Variants in TAF1 observed in about 807,000 individuals in gnomAD.
TAF1 encodes the protein TATA-box binding protein associated factor 1, also known as transcription initiation factor TFIID subunit 1.
Under a neutral mutation model 138.5 loss-of-function variants are expected in TAF1, and 2 were observed. That is an observed-to-expected ratio of 0.01 (90% CI 0.01 to 0.05). TAF1 has a LOEUF of 0.05. TAF1 is among the 10% of genes least tolerant of loss of function. The pLI is 1.00. For synonymous variants in TAF1, 437 were observed against 503.2 expected (o/e 0.87, Z 1.76); for missense variants, 709 against 1,478.0 (o/e 0.48, Z 8.53).
intron 25 of TAF1, among the ~76,000 whole-genome samples, chrX:71,402,174 A>G (rs2035210502): frequency 8.9e-6 from 1 of 111,962 alleles, no homozygotes; most frequent in Non-Finnish European, 1.9e-5. Flanking sequence ...GCTGGAGTGC[A>G]GTGGCTCACT....
intron 13 of TAF1, among the ~76,000 whole-genome samples, chrX:71,510,929 C>A (rs1053595688): frequency 9.0e-6 from 1 of 110,766 alleles, no homozygotes; most frequent in Non-Finnish European, 1.9e-5. Flanking sequence ...CATGGAGAAA[C>A]CCCGTCTCTA....
chrX:71,368,123 G>A lies in TAF1; in HGVS notation c.305G>A (p.Arg102Gln), dbSNP rs2032707301. 1.7e-6 allele frequency: 2 copies of A among 1,212,086 alleles called. No homozygotes were observed. Among genetic ancestry groups the A allele is most frequent in the Non-Finnish European group, 2.2e-6 (2 of 895,599 alleles). The change falls in exon 3 of 38, where the codon CGA becomes CAA. Residue 102 changes from arginine (R) to glutamine (Q), a missense_variant. By Grantham distance (43) the Arg-to-Gln change is conservative. This residue lies in a region of TAF1 where 123 missense variants were observed against 161.6 expected (regional missense o/e 0.76). Coordinates refer to ENST00000423759, the MANE Select transcript of TAF1 (RefSeq NM_004606.5). The stretch of plus-strand genomic sequence containing the variant: ...AATGAGGTGGCAGAAGATGAAAGCC[G>A]AAGATACCAGCAGACGATGGGGAGC... ...DINEVAEDES[R>Q]RYQQTMGSLQ...
chrX:71,496,577 G>A (rs1252751856), intron 13 of TAF1, among the ~76,000 whole-genome samples: 2 of 102,770 alleles, frequency 1.9e-5, no homozygotes, highest in East Asian at 6.0e-4. Flanking sequence ...CTGCCTCTTT[G>A]TCTGTCTCTT....
chrX:71,445,268 C>G (rs996398695), intron 32 of TAF1, among the ~76,000 whole-genome samples: 1 of 102,372 alleles, frequency 9.8e-6, no homozygotes, highest in African/African-American at 3.6e-5. Context: ...CCACTGCACT[C>G]CAACCTGGAC....
At chrX:71,417,998 G>A (rs2036118068) in intron 28 of TAF1, among the ~76,000 whole-genome samples, 4 of 111,945 alleles carry the variant, frequency 3.6e-5, no homozygotes, top group Admixed American at 9.5e-5. Context: ...TTCAGCTTTT[G>A]TATTATTTCA....
rs1184983026 is a variant in TAF1, at chrX:71,392,631, G to A, written c.2844G>A (p.Leu948=). The change falls in exon 19 of 38, where the codon CTG becomes CTA. Residue 948 remains leucine (L), a synonymous_variant. Coordinates refer to ENST00000423759, the MANE Select transcript of TAF1 (RefSeq NM_004606.5). ...AFIAAMKGKC[L]LEVTGVADPT... ...TTGCTGCCATGAAGGGCAAGTGTCT[G>A]CTAGAGGTGACTGGGGTGGCAGATC... is the stretch of plus-strand genomic sequence containing the variant. The A allele has an allele frequency of 8.3e-7, 1 of 1,210,367 alleles. No individual in the cohort carries two copies. Among genetic ancestry groups the A allele is most frequent in the Admixed American group, 2.2e-5 (1 of 45,663 alleles).
chrX:71,495,029 A>C (rs182637739), intron 13 of TAF1, among the ~76,000 whole-genome samples: 1 of 111,993 alleles, frequency 8.9e-6, no homozygotes, highest in Admixed American at 9.5e-5. Flanking sequence ...CTAGCTAGAC[A>C]GAAAAGTTCT....
At position 71,399,287 on chromosome X, in the gene TAF1, C is replaced by T. The variant is rs754329365; in HGVS notation, c.3786+550C>T. ...TTTTTTTTTTTTTGAAACAGAGTCT[C>T]ACTCTGTTGCCCAGGCTGGAGTGCA... is the stretch of plus-strand genomic sequence containing the variant. On this transcript the variant is annotated intron_variant, in intron 24 of 37. Transcript: ENST00000423759. Among the ~76,000 whole-genome samples, 84 of 70,368 alleles carry T rather than the reference C, an allele frequency of 1.2e-3. No homozygotes were observed. In the South Asian group the frequency reaches 0.028, roughly 23 times the overall value. 61.1% of individuals were successfully genotyped at this position (70,368 alleles called of 115,157 possible). A position where few individuals can be genotyped will look rare whatever the true frequency, so the allele number is the denominator to read the frequency against.
chrX:71,422,475 C>G (rs1371010685), intron 29 of TAF1, among the ~76,000 whole-genome samples: 2 of 107,890 alleles, frequency 1.9e-5, no homozygotes, highest in East Asian at 2.9e-4. Flanking sequence ...GCCACCACGC[C>G]CAGCTAATTT....
intron 28 of TAF1, chrX:71,420,203 G>A (rs774924212): frequency 1.9e-5 from 12 of 619,164 alleles, no homozygotes; most frequent in Non-Finnish European, 3.3e-5. Context: ...TCCGGGCATG[G>A]TAGCGGGCTC....
chrX:71,391,877 T>G (rs1193522815), intron 18 of TAF1, among the ~76,000 whole-genome samples: 1 of 110,867 alleles, frequency 9.0e-6, no homozygotes, highest in Non-Finnish European at 1.9e-5. Context: ...TCTGCCCGCC[T>G]CAGCCTCCCA....
chrX:71,430,309 G>A (rs755490076), intron 32 of TAF1, among the ~76,000 whole-genome samples: 1 of 107,920 alleles, frequency 9.3e-6, no homozygotes, highest in Non-Finnish European at 1.9e-5. Context: ...GGAGGAACCC[G>A]GGAGGCCGAG....
At chrX:71,412,897 A>T in intron 28 of TAF1, among the ~76,000 whole-genome samples, 1 of 111,004 alleles carries the variant, frequency 9.0e-6, no homozygotes, top group African/African-American at 3.3e-5. Context: ...TTTAATTTTA[A>T]TTTTTTTTAT....
At chrX:71,512,904 C>T (rs772769730) in intron 13 of TAF1, among the ~76,000 whole-genome samples, 1 of 111,980 alleles carries the variant, frequency 8.9e-6, no homozygotes, top group Non-Finnish European at 1.9e-5. Context: ...GAGCTTTCAA[C>T]GAGGAAGGAA....
intron 32 of TAF1, among the ~76,000 whole-genome samples, chrX:71,426,130 T>C (rs2036578943): frequency 9.1e-6 from 1 of 109,907 alleles, no homozygotes; most frequent in African/African-American, 3.3e-5. Context: ...GGAAGCTTTC[T>C]GGAAGAGGGT....
intron 25 of TAF1, 136 bp downstream of exon 25, chrX:71,401,875 G>A: frequency 1.7e-6 from 1 of 595,453 alleles, no homozygotes; most frequent in Non-Finnish European, 2.7e-6. Context: ...CGTTTCCTCA[G>A]TTATTGTTGC....
exon 14 of TAF1, chrX:71,528,725 G>T (rs1345936219): frequency 2.1e-5 from 7 of 327,021 alleles, no homozygotes; most frequent in Non-Finnish European, 4.1e-5. Flanking sequence ...GGACCTTCGC[G>T]GTGAGTGTTA....
At chrX:71,420,047 CT>C (rs2148581097) in intron 28 of TAF1, 1 of 292,864 alleles carries the variant, frequency 3.4e-6, no homozygotes, top group Admixed American at 4.3e-5. Context: ...CTTCTGTCCT[CT>C]TTTTTTCTTC....
intron 28 of TAF1, among the ~76,000 whole-genome samples, chrX:71,410,237 T>C (rs1461685522): frequency 9.1e-6 from 1 of 110,418 alleles, no homozygotes; most frequent in Non-Finnish European, 1.9e-5. Context: ...AAATGGATAC[T>C]GTTATAACCC....
Sources: gnomAD v4.1 joint callset for allele counts (sites outside exome capture counted in the v4.1 genomes callset) on GRCh38, gnomAD v4.1.1 for gene constraint, gnomAD v4.1.1 regional missense constraint, MANE v1.5 for transcripts, NCBI Gene and HGNC (gene_info 2026-07-23, HGNC 2026-07-21) for gene names.